Variants in MAP3K20 observed in about 807,000 individuals in gnomAD.
The protein encoded by MAP3K20 is HCCS-4.
MAP3K20 carries 40 observed loss-of-function variants against 85.7 expected under a neutral mutation model. The ratio of observed to expected loss-of-function variants is 0.47; its 90% CI spans 0.36 to 0.61. MAP3K20 has a LOEUF of 0.61. MAP3K20 is among the 20% of genes least tolerant of loss of function. The pLI, the probability that MAP3K20 is intolerant of heterozygous loss-of-function variation, is 0.00. For synonymous variants in MAP3K20, 325 were observed against 327.7 expected (o/e 0.99, Z 0.09); for missense variants, 817 against 961.7 (o/e 0.85, Z 1.99).
chr2:173,217,349 C>A, intron 11 of MAP3K20, 99 bp downstream of exon 11: 2 of 1,205,236 alleles, frequency 1.7e-6, no homozygotes, highest in Non-Finnish European at 2.1e-6. Context: ...CCCGCCGCCC[C>A]CTCCTCATTT....
intron 8 of MAP3K20, among the ~76,000 whole-genome samples, chr2:173,202,146 AT>A (rs906077563): frequency 2.0e-5 from 3 of 151,654 alleles, no homozygotes; most frequent in South Asian, 2.1e-4. Context: ...AAACACCTGA[AT>A]TTTTTTTTAA....
chr2:173,168,649 G>T (rs1052429027), intron 2 of MAP3K20, among the ~76,000 whole-genome samples: 1 of 152,070 alleles, frequency 6.6e-6, no homozygotes, highest in Non-Finnish European at 1.5e-5. Flanking sequence ...CTGGGGTGGG[G>T]ACTTATAAAT....
intron 10 of MAP3K20, 100 bp from the exon 11 acceptor site, chr2:173,217,015 C>T (rs1053178950): frequency 1.7e-6 from 2 of 1,192,738 alleles, no homozygotes; most frequent in African/African-American, 1.6e-5. Flanking sequence ...TTTAAAGCAC[C>T]AGCATGTGTC....
rs558348593 is a variant in MAP3K20 at position 173,198,263 on chromosome 2, T to C, written c.669+151T>C. 1 of 617,220 alleles carries C rather than the reference T, an allele frequency of 1.6e-6. No homozygotes were observed. The highest frequency in any genetic ancestry group is 2.7e-6 in the Non-Finnish European group (1 of 364,206). 38.2% of individuals were successfully genotyped at this position (617,220 alleles called of 1,614,324 possible). On this transcript the variant is annotated intron_variant, in intron 8 of 19. Transcript: ENST00000375213. The surrounding 1 kb of genome is among the most constrained non-coding windows in gnomAD (Gnocchi z 5.8). The stretch of plus-strand genomic sequence containing the variant: ...CTAACACAAAGGGTCAAAGTGATGT[T>C]ATTCCTCATGAATGGACCCTTTACA...
At chr2:173,249,149 A>T (rs1684987397) in intron 16 of MAP3K20, among the ~76,000 whole-genome samples, 2 of 152,236 alleles carry the variant, frequency 1.3e-5, no homozygotes, top group South Asian at 4.1e-4. Flanking sequence ...TGTCTTTAAA[A>T]AACGTGGAAA....
intron 2 of MAP3K20, among the ~76,000 whole-genome samples, chr2:173,157,323 C>CTTT (rs34277580): frequency 1.2e-3 from 172 of 143,354 alleles, no homozygotes; most frequent in African/African-American, 4.2e-3. Context: ...GGTTTGGTAC[C>CTTT]TTTTTTTTTT....
intron 17 of MAP3K20, among the ~76,000 whole-genome samples, chr2:173,259,993 T>C (rs548844016): frequency 2.0e-5 from 3 of 152,250 alleles, no homozygotes. Context: ...GACAGACCAA[T>C]CGAAAGTTAT....
chr2:173,141,343 A>T (rs1688966940), intron 2 of MAP3K20, among the ~76,000 whole-genome samples: 1 of 152,182 alleles, frequency 6.6e-6, no homozygotes, highest in African/African-American at 2.4e-5. Context: ...AAAGGAAACC[A>T]TGGTTAGAAT....
intron 2 of MAP3K20, among the ~76,000 whole-genome samples, chr2:173,113,253 T>G (rs1688023535): frequency 6.6e-6 from 1 of 152,192 alleles, no homozygotes; most frequent in South Asian, 2.1e-4. Context: ...CTGTTTTGTT[T>G]CTTAGTGGGG....
At chr2:173,141,673 C>T (rs1301296353) in intron 2 of MAP3K20, among the ~76,000 whole-genome samples, 2 of 151,964 alleles carry the variant, frequency 1.3e-5, no homozygotes, top group Non-Finnish European at 2.9e-5. Context: ...ACTTCAAGTG[C>T]CCCAACTTTG....
chr2:173,142,572 A>C (rs1217361888), intron 2 of MAP3K20, among the ~76,000 whole-genome samples: 1 of 152,176 alleles, frequency 6.6e-6, no homozygotes, highest in Non-Finnish European at 1.5e-5. Flanking sequence ...ATTAAATCTA[A>C]GTAGACTGTG....
chr2:173,198,083 G>A lies in MAP3K20; in HGVS notation c.640G>A (p.Val214Ile). The A allele has an allele frequency of 1.2e-6, 2 of 1,613,186 alleles. No individual in the cohort carries two copies. Among genetic ancestry groups the A allele is most frequent in the Non-Finnish European group, 1.7e-6 (2 of 1,179,368 alleles). ...CTTTAAAGGTTTGGAAGGATTACAA[G>A]TAGCTTGGCTTGTAGTGGAAAAAAA... ...VPFKGLEGLQ[V>I]AWLVVEKNER... Residue 214 changes from valine (V) to isoleucine (I), a missense_variant, in exon 8 of 20, where the codon GTA becomes ATA. Coordinates refer to ENST00000375213, the MANE Select transcript of MAP3K20 (RefSeq NM_016653.3). The surrounding 1 kb of genome is among the most constrained non-coding windows in gnomAD (Gnocchi z 5.8).
intron 2 of MAP3K20, among the ~76,000 whole-genome samples, chr2:173,097,224 C>T (rs973181279): frequency 2.6e-5 from 4 of 152,098 alleles, no homozygotes; most frequent in African/African-American, 7.2e-5. Flanking sequence ...AGCATGGTGG[C>T]GGGCGCCTGT....
chr2:173,233,773 G>T (rs1684582592), intron 14 of MAP3K20, among the ~76,000 whole-genome samples: 1 of 152,118 alleles, frequency 6.6e-6, no homozygotes, highest in African/African-American at 2.4e-5. Context: ...CCCAAAGAGA[G>T]CCCATTCATT....
intron 16 of MAP3K20, among the ~76,000 whole-genome samples, chr2:173,242,709 T>TC (rs1478337050): frequency 6.9e-6 from 1 of 144,050 alleles, no homozygotes; most frequent in African/African-American, 2.6e-5. Context: ...CTTTTTTTTT[T>TC]TTTTTTTTTT....
intron 2 of MAP3K20, among the ~76,000 whole-genome samples, chr2:173,154,346 G>T (rs1689394775): frequency 1.3e-5 from 2 of 152,088 alleles, no homozygotes; most frequent in Admixed American, 6.5e-5. Context: ...ACCATACCTG[G>T]CTAATTTTTG....
intron 5 of MAP3K20, among the ~76,000 whole-genome samples, chr2:173,189,835 C>A (rs1028287990): frequency 6.6e-6 from 1 of 152,144 alleles, no homozygotes; most frequent in African/African-American, 2.4e-5. Context: ...CCTAGGTGAT[C>A]CTACATCCTA....
At chr2:173,194,732 CACAT>C (rs1364231658) in intron 7 of MAP3K20, among the ~76,000 whole-genome samples, 1 of 151,454 alleles carries the variant, frequency 6.6e-6, no homozygotes, top group African/African-American at 2.4e-5. Context: ...ACACAGCAGT[CACAT>C]ACAGATGAAT....
At chr2:173,246,860 C>T (rs113455661) in intron 16 of MAP3K20, among the ~76,000 whole-genome samples, 6 of 152,156 alleles carry the variant, frequency 3.9e-5, no homozygotes, top group African/African-American at 4.8e-5. Flanking sequence ...CCGAACACGC[C>T]GGCTACCTAT....
Sources: gnomAD v4.1 joint callset for allele counts (sites outside exome capture counted in the v4.1 genomes callset) on GRCh38, gnomAD v4.1.1 for gene constraint, Gnocchi (gnomAD v3.1) non-coding constraint, MANE v1.5 for transcripts, NCBI Gene and HGNC (gene_info 2026-07-23, HGNC 2026-07-21) for gene names.